Variants in PROM1 observed in about 807,000 individuals in gnomAD.
PROM1 encodes prominin-1.
In PROM1, 105 loss-of-function variants were observed where a neutral mutation model predicts 116.9. The ratio of observed to expected loss-of-function variants is 0.90; its 90% CI spans 0.77 to 1.06. The LOEUF is 1.06. Among genes scored for constraint, PROM1 ranks in the 50% least tolerant of loss-of-function variants. The pLI, the probability that PROM1 is intolerant of heterozygous loss-of-function variation, is 0.00. For missense variants in PROM1, 1,122 were observed against 1,045.2 expected (o/e 1.07, Z -1.01); for synonymous variants, 393 against 387.0 (o/e 1.02, Z -0.18).
intron 26 of PROM1, chr4:15,971,370 A>G (rs555906071): frequency 2.5e-5 from 9 of 355,836 alleles, no homozygotes; most frequent in African/African-American, 4.1e-5. Flanking sequence ...GTCACTAAGA[A>G]TACGTGTTGA....
At chr4:16,028,961 A>C (rs922652381) in intron 5 of PROM1, among the ~76,000 whole-genome samples, 1 of 152,224 alleles carries the variant, frequency 6.6e-6, no homozygotes, top group Non-Finnish European at 1.5e-5. Context: ...GCTAAACCTT[A>C]CTTTTAAACC....
chr4:16,031,061 C>T (rs931537753), intron 5 of PROM1, among the ~76,000 whole-genome samples: 1 of 151,954 alleles, frequency 6.6e-6, no homozygotes, highest in Admixed American at 6.6e-5. Flanking sequence ...AACAAAGAAA[C>T]CCAATATATT....
chr4:15,974,646 T>C (rs1715619209), intron 26 of PROM1, among the ~76,000 whole-genome samples: 2 of 152,166 alleles, frequency 1.3e-5, no homozygotes, highest in African/African-American at 4.8e-5. Context: ...ATTTTTTTTT[T>C]CATTTATAAA....
At chr4:15,981,072 C>T (rs1717782902) in intron 23 of PROM1, among the ~76,000 whole-genome samples, 1 of 151,410 alleles carries the variant, frequency 6.6e-6, no homozygotes, top group African/African-American at 2.4e-5. Flanking sequence ...TGCCATTCTC[C>T]TGCCTCAGCC....
intron 14 of PROM1, among the ~76,000 whole-genome samples, chr4:15,998,962 T>G (rs932851753): frequency 2.0e-5 from 3 of 152,024 alleles, no homozygotes; most frequent in African/African-American, 7.2e-5. Flanking sequence ...ATTCCTGACC[T>G]CAGGTGATCC....
Position 16,006,653 on chromosome 4 carries a change from G to A in PROM1, c.1339C>T (p.Leu447Phe). 6.2e-7 allele frequency: 1 copy of A among 1,613,068 alleles called. No homozygotes were observed. The highest frequency in any genetic ancestry group is 8.5e-7 in the Non-Finnish European group (1 of 1,179,598). Residue 447 changes from leucine (L) to phenylalanine (F), a missense_variant, in exon 13 of 28, where the codon CTC becomes TTC. By Grantham distance (22) the Leu-to-Phe change is conservative. Transcript: ENST00000447510. ...GGLVICSLLT[L>F]IVIFYYLGLL... The stretch of plus-strand genomic sequence containing the variant: ...CCCAGGTAGTAAAAAATCACGATGA[G>A]GGTCAGCAGAGAGCAGATGACCAGG...
intron 2 of PROM1, among the ~76,000 whole-genome samples, chr4:16,074,529 T>C (rs942075134): frequency 3.7e-5 from 2 of 54,430 alleles, no homozygotes; most frequent in Non-Finnish European, 1.0e-4. Context: ...CCAAAGTTAG[T>C]ATTTTTAACA....
At chr4:16,019,612 G>A (rs919834079) in intron 8 of PROM1, among the ~76,000 whole-genome samples, 1 of 152,204 alleles carries the variant, frequency 6.6e-6, no homozygotes, top group Non-Finnish European at 1.5e-5. Flanking sequence ...GACTAGGGAG[G>A]TAGGGAATTA....
chr4:16,051,507 C>A (rs1406930493), intron 2 of PROM1, among the ~76,000 whole-genome samples: 1 of 152,334 alleles, frequency 6.6e-6, no homozygotes. Flanking sequence ...GTGAAGAAGG[C>A]ACCTATTGTG....
intron 2 of PROM1, among the ~76,000 whole-genome samples, chr4:16,057,438 A>T (rs1402174538): frequency 6.6e-6 from 1 of 152,178 alleles, no homozygotes; most frequent in Non-Finnish European, 1.5e-5. Context: ...GAACTTAGAG[A>T]CTCCTACATG....
chr4:16,083,881 C>A (rs1745507590), intron 1 of PROM1, 97 bp downstream of exon 1: 1 of 152,230 alleles, frequency 6.6e-6, no homozygotes. Flanking sequence ...GAGAAAGGCC[C>A]GGGTGCCCGG....
At chr4:16,040,948 C>A (rs113972987) in intron 2 of PROM1, among the ~76,000 whole-genome samples, 1 of 152,098 alleles carries the variant, frequency 6.6e-6, no homozygotes, top group African/African-American at 2.4e-5. Context: ...TGGATTTCTT[C>A]TGGGGAACTG....
intron 2 of PROM1, 115 bp downstream of exon 2, chr4:16,075,572 C>A: frequency 9.4e-7 from 1 of 1,065,314 alleles, no homozygotes; most frequent in East Asian, 2.6e-5. Flanking sequence ...TGCTTCTGTG[C>A]AAAGCAATCG....
chr4:16,059,249 A>G (rs1379389135), intron 2 of PROM1, among the ~76,000 whole-genome samples: 1 of 152,242 alleles, frequency 6.6e-6, no homozygotes, highest in Non-Finnish European at 1.5e-5. Context: ...ACCCTTGGCT[A>G]AGTGAGTTAC....
intron 2 of PROM1, among the ~76,000 whole-genome samples, chr4:16,060,575 A>G (rs952673383): frequency 6.6e-6 from 1 of 151,688 alleles, no homozygotes; most frequent in Non-Finnish European, 1.5e-5. Context: ...AAAAAAAAAT[A>G]TGTGTGTGTG....
chr4:15,988,448 C>T (rs1720067621), intron 19 of PROM1, among the ~76,000 whole-genome samples: 1 of 152,222 alleles, frequency 6.6e-6, no homozygotes, highest in Admixed American at 6.5e-5. Flanking sequence ...CCCAACTACT[C>T]AACTTTGTCC....
intron 10 of PROM1, among the ~76,000 whole-genome samples, chr4:16,014,314 G>A (rs1033095407): frequency 2.6e-5 from 4 of 152,174 alleles, no homozygotes; most frequent in East Asian, 1.9e-4. Flanking sequence ...TCAGCACACC[G>A]GTGCTTGTGT....
intron 26 of PROM1, chr4:15,976,305 T>G: frequency 2.3e-6 from 1 of 427,716 alleles, no homozygotes; most frequent in Non-Finnish European, 4.7e-6. Flanking sequence ...CATGCCTTTT[T>G]TCTTGTACAG....
At chr4:15,981,034 T>A (rs1228450579) in intron 23 of PROM1, among the ~76,000 whole-genome samples, 1 of 151,414 alleles carries the variant, frequency 6.6e-6, no homozygotes, top group Non-Finnish European at 1.5e-5. Flanking sequence ...CGATCTCGGC[T>A]CACTGCAAGC....
Sources: allele counts gnomAD v4.1 joint callset (sites outside exome capture counted in the v4.1 genomes callset), GRCh38; gene constraint gnomAD v4.1.1; transcripts MANE v1.5; gene names NCBI Gene and HGNC (gene_info 2026-07-23, HGNC 2026-07-21).